The following THEMIS variants were observed in gnomAD, a reference collection of about 807,000 sequenced individuals.
THEMIS encodes the protein protein THEMIS.
Under a neutral mutation model 52.6 loss-of-function variants are expected in THEMIS, and 37 were observed. That is an observed-to-expected ratio of 0.70 (90% confidence interval 0.54 to 0.93). THEMIS has a LOEUF of 0.93. THEMIS is among the 40% of genes least tolerant of loss of function. The pLI is 0.00. For synonymous variants in THEMIS, 292 were observed against 272.7 expected, an observed-to-expected ratio of 1.07 and a Z score of -0.70; for missense variants, 808 against 763.1, an observed-to-expected ratio of 1.06 and a Z score of -0.69.
intron 1 of THEMIS, among the ~76,000 whole-genome samples, chr6:127,873,714 A>G (rs1020288929): frequency 6.6e-6 from 1 of 152,216 alleles, no homozygotes; most frequent in African/African-American, 2.4e-5. Flanking sequence ...AACTACTAAT[A>G]GGCTACTGTT....
chr6:127,748,803 C>T (rs1453920772), intron 4 of THEMIS, among the ~76,000 whole-genome samples: 1 of 151,992 alleles, frequency 6.6e-6, no homozygotes, highest in Non-Finnish European at 1.5e-5. Flanking sequence ...TCCAGGTTAA[C>T]CTATAATAAT....
At chr6:127,783,118 G>A (rs1467429307) in intron 4 of THEMIS, among the ~76,000 whole-genome samples, 1 of 152,094 alleles carries the variant, frequency 6.6e-6, no homozygotes, top group Non-Finnish European at 1.5e-5. Context: ...TGACAAACCT[G>A]ACAAAAATAA....
In THEMIS at chr6:127,813,017, T is replaced by C. The variant is rs1439354729; in HGVS notation, c.1624A>G (p.Met542Val). The C allele has an allele frequency of 1.9e-6, 3 of 1,614,160 alleles. No homozygotes were observed. Among genetic ancestry groups the C allele is most frequent in the South Asian group, 1.1e-5 (1 of 91,086 alleles). Residue 542 changes from methionine to valine, a missense_variant, in exon 4 of 6, where the codon ATG becomes GTG. Transcript: ENST00000368248. The part of the protein sequence containing the change: ...VEEITEEQYY[M>V]MRRYESSASH... ...GCTGAGCTTTCATATCTCCGCATCA[T>C]GTAATATTGCTCTTCAGTGATCTCT...
At chr6:127,908,559 G>T (rs1382846647) in intron 1 of THEMIS, among the ~76,000 whole-genome samples, 1 of 152,136 alleles carries the variant, frequency 6.6e-6, no homozygotes, top group Non-Finnish European at 1.5e-5. Flanking sequence ...GAATGTTGGT[G>T]TTACCGTATG....
downstream of THEMIS, among the ~76,000 whole-genome samples, chr6:127,705,894 C>G (rs559484618): frequency 6.6e-6 from 1 of 152,214 alleles, no homozygotes; most frequent in South Asian, 2.1e-4. Flanking sequence ...TCCAGGGTAC[C>G]CTTAGGATCA....
intron 1 of THEMIS, among the ~76,000 whole-genome samples, chr6:127,876,105 C>G (rs1780305818): frequency 6.6e-6 from 1 of 152,086 alleles, no homozygotes; most frequent in South Asian, 2.1e-4. Context: ...ATTGGAAATG[C>G]AGGCAATATA....
intron 4 of THEMIS, among the ~76,000 whole-genome samples, chr6:127,725,888 G>A (rs1185665713): frequency 6.6e-6 from 1 of 152,080 alleles, no homozygotes. Flanking sequence ...GCAGGACTTG[G>A]TTCATCAGCT....
rs550483312 is a variant in THEMIS, at chr6:127,733,781, G to A, written c.1759-13958C>T. ...AGAAGAACGTTTTGGGAGGAAGACC[G>A]CTCACAGACAAAACAATCCTAGAAC... On this transcript the variant is annotated intron_variant, in intron 4 of 5. Transcript: ENST00000368248. 2.6e-5 allele frequency among the ~76,000 whole-genome samples: 4 copies of A among 151,904 alleles called. No homozygotes were observed. In the East Asian group the frequency reaches 7.7e-4, roughly 29 times the overall value.
chr6:127,781,759 C>T (rs1358828179), intron 4 of THEMIS, among the ~76,000 whole-genome samples: 1 of 152,166 alleles, frequency 6.6e-6, no homozygotes, highest in Non-Finnish European at 1.5e-5. Context: ...CTGTTCCTTC[C>T]TCTGGAAGCT....
At position 127,835,371 on chromosome 6, in the gene THEMIS, C is replaced by A. The variant is rs997963809; in HGVS notation, c.251-5437G>T. Among the ~76,000 whole-genome samples the A allele has an allele frequency of 5.3e-5, 8 of 152,104 alleles. No homozygotes were observed. In the East Asian group the frequency reaches 7.7e-4, roughly 15 times the overall value. ...GCCTGGGTTTTAATTCTGGCCTCAG[C>A]CCCTTCCTTAACATGTATACTTCAG... On this transcript the variant is annotated intron_variant, in intron 2 of 5. Transcript: ENST00000368248.
intron 4 of THEMIS, among the ~76,000 whole-genome samples, chr6:127,731,334 T>G (rs1774785267): frequency 6.6e-6 from 1 of 152,172 alleles, no homozygotes; most frequent in African/African-American, 2.4e-5. Flanking sequence ...TGCTTCTTTG[T>G]GTATTTCATT....
chr6:127,904,847 T>A (rs914771305), upstream of THEMIS, among the ~76,000 whole-genome samples: 49 of 152,128 alleles, frequency 3.2e-4, no homozygotes, highest in African/African-American at 1.1e-3. Flanking sequence ...TAACTGAAAT[T>A]AAAAATTCAA....
At chr6:127,761,958 T>A (rs1481199400) in intron 4 of THEMIS, among the ~76,000 whole-genome samples, 1 of 152,178 alleles carries the variant, frequency 6.6e-6, no homozygotes, top group African/African-American at 2.4e-5. Context: ...CACTTCTATG[T>A]TCGTTGCAGT....
At position 127,813,104 on chromosome 6, in the gene THEMIS, C is replaced by G; in HGVS notation, c.1537G>C (p.Val513Leu). 1.2e-6 allele frequency: 2 copies of G among 1,614,054 alleles called. No individual in the cohort carries two copies. The highest frequency in any genetic ancestry group is 1.3e-5 in the African/African-American group (1 of 75,000). ...CTAGAGAAATTACTAACTAACTGAA[C>G]AGTCATATTCAAGCGGCCCACAGGA... Reference protein sequence around the residue: ...EIPVGRLNMTVQLVSNFSRDA... With the variant: ...EIPVGRLNMTLQLVSNFSRDA... Residue 513 changes from valine to leucine, a missense_variant, in exon 4 of 6, where the codon GTT (valine) becomes CTT (leucine). Coordinates refer to ENST00000368248, the MANE Select transcript of THEMIS (RefSeq NM_001010923.3).
intron 1 of THEMIS, among the ~76,000 whole-genome samples, chr6:127,896,012 T>C (rs561926367): frequency 6.6e-6 from 1 of 151,622 alleles, no homozygotes; most frequent in East Asian, 1.9e-4. Context: ...CCATTGGTTG[T>C]GTTCCACAAT....
In THEMIS at chr6:127,910,423, C is replaced by T. The variant is rs117787822; in HGVS notation, c.-150+8005G>A. Reference sequence around the variant, plus strand: ...GCTATAAACAGTTACAATCTCATTACGTAAGTATTGTTTTCTGATAGCAAG... The same window carrying T: ...GCTATAAACAGTTACAATCTCATTATGTAAGTATTGTTTTCTGATAGCAAG... On this transcript the variant is annotated intron_variant, in intron 1 of 6. Transcript: ENST00000368250. Among the ~76,000 whole-genome samples, 261 of 152,122 alleles carry T rather than the reference C, an allele frequency of 1.7e-3. 2 individuals carry two copies. Among genetic ancestry groups the T allele is most frequent in the Non-Finnish European group, 2.2e-3 (151 of 67,968 alleles).
intron 4 of THEMIS, among the ~76,000 whole-genome samples, chr6:127,742,864 A>C (rs926529149): frequency 6.6e-6 from 1 of 152,174 alleles, no homozygotes; most frequent in Non-Finnish European, 1.5e-5. Flanking sequence ...ATGGTTCCAT[A>C]ACAATGTGAA....
intron 2 of THEMIS, among the ~76,000 whole-genome samples, chr6:127,830,231 TC>T: frequency 6.6e-6 from 1 of 152,340 alleles, no homozygotes; most frequent in East Asian, 1.9e-4. Context: ...CTGGCTCTGT[TC>T]CAACTACTTT....
intron 4 of THEMIS, among the ~76,000 whole-genome samples, chr6:127,772,640 T>C (rs1452080432): frequency 6.6e-6 from 1 of 152,112 alleles, no homozygotes; most frequent in African/African-American, 2.4e-5. Flanking sequence ...CTCACATATC[T>C]TCTTGTTTCT....
Sources: gnomAD v4.1 joint callset for allele counts (sites outside exome capture counted in the v4.1 genomes callset) on GRCh38, gnomAD v4.1.1 for gene constraint, MANE v1.5 for transcripts, NCBI Gene and HGNC (gene_info 2026-07-23, HGNC 2026-07-21) for gene names.